The following SIRT1 variants were observed in gnomAD, a reference collection of about 807,000 sequenced individuals.
SIRT1 encodes the protein sirtuin 1.
SIRT1 carries 24 observed loss-of-function variants against 67.9 expected under a neutral mutation model. The ratio of observed to expected loss-of-function variants is 0.35; its 90% CI spans 0.26 to 0.50. SIRT1 has a LOEUF of 0.50. Ranked by LOEUF, SIRT1 falls within the 20% of genes least tolerant of loss-of-function variation. The pLI, the probability that SIRT1 is intolerant of heterozygous loss-of-function variation, is 0.98. For missense variants in SIRT1, 873 were observed against 937.2 expected (o/e 0.93, Z 0.89); for synonymous variants, 378 against 350.7 (o/e 1.08, Z -0.87).
At chr10:67,894,136 T>C (rs1033602054) in intron 4 of SIRT1, among the ~76,000 whole-genome samples, 2 of 152,178 alleles carry the variant, frequency 1.3e-5, no homozygotes, top group South Asian at 4.1e-4. Flanking sequence ...ATGTAACTTT[T>C]GTTTTATCCA....
chr10:67,906,275 G>A, intron 4 of SIRT1: 1 of 1,584,592 alleles, frequency 6.3e-7, no homozygotes, highest in Non-Finnish European at 8.6e-7. Context: ...GCAGTGGAAG[G>A]AAAACAATTT....
At position 67,884,704 on chromosome 10, in the gene SIRT1, C is replaced by T. The variant is rs774679969; in HGVS notation, c.-18C>T. 2.8e-5 allele frequency: 35 copies of T among 1,228,642 alleles called. No homozygotes were observed. In the Admixed American group the frequency reaches 1.0e-3, roughly 36 times the overall value. The allele number at this position is 1,228,642 out of a possible 1,614,324, so 76.1% of individuals were successfully genotyped here. ...AGCAGAGGAGGCGAGGGAGGAGGGC[C>T]AGAGAGGCAGTTGGAAGATGGCGGA... On this transcript the variant is annotated 5_prime_UTR_variant, in exon 1 of 9. Transcript: ENST00000212015.
chr10:67,901,495 T>C (rs1328794978), intron 4 of SIRT1, among the ~76,000 whole-genome samples: 1 of 152,196 alleles, frequency 6.6e-6, no homozygotes, highest in Non-Finnish European at 1.5e-5. Flanking sequence ...TGTAGTAAGG[T>C]AGGGCCTGGT....
chr10:67,895,706 T>C (rs535188362), intron 4 of SIRT1, among the ~76,000 whole-genome samples: 1 of 151,130 alleles, frequency 6.6e-6, no homozygotes, highest in Non-Finnish European at 1.5e-5. Flanking sequence ...ATATCATTGA[T>C]TGTATGTGAT....
At chr10:67,906,298 A>T in intron 4 of SIRT1, 2 of 1,570,014 alleles carry the variant, frequency 1.3e-6, no homozygotes, top group South Asian at 2.4e-5. Context: ...GTAAGGATTA[A>T]AACTTTAGCT....
intron 2 of SIRT1, 80 bp downstream of exon 2, chr10:67,887,613 G>C: frequency 2.1e-6 from 2 of 952,726 alleles, no homozygotes; most frequent in Admixed American, 4.0e-5. Flanking sequence ...TTTCGCTCTT[G>C]TTGCGGAGGC....
At chr10:67,888,043 G>A (rs1013529749) in intron 2 of SIRT1, among the ~76,000 whole-genome samples, 2 of 152,100 alleles carry the variant, frequency 1.3e-5, no homozygotes, top group Non-Finnish European at 2.9e-5. Context: ...TAAGTTCTAC[G>A]GGAGCAGGAA....
intron 8 of SIRT1, among the ~76,000 whole-genome samples, chr10:67,914,967 C>T (rs2029874648): frequency 6.6e-6 from 1 of 151,060 alleles, no homozygotes; most frequent in South Asian, 2.1e-4. Context: ...CTCAAGCAGT[C>T]TGCCAGCCTT....
At chr10:67,909,504 T>C in intron 7 of SIRT1, 62 bp downstream of exon 7, 1 of 1,342,292 alleles carries the variant, frequency 7.4e-7, no homozygotes, top group East Asian at 2.4e-5. Context: ...TGTGGGTCTG[T>C]ATAATAGACG....
chr10:67,904,662 A>G (rs920981496), intron 4 of SIRT1, among the ~76,000 whole-genome samples: 8 of 151,710 alleles, frequency 5.3e-5, no homozygotes, highest in African/African-American at 1.9e-4. Flanking sequence ...CCTGACCAAC[A>G]TGGAGAAACC....
intron 7 of SIRT1, among the ~76,000 whole-genome samples, chr10:67,912,108 C>T (rs991935275): frequency 3.3e-5 from 5 of 152,060 alleles, no homozygotes; most frequent in African/African-American, 7.3e-5. Context: ...CATTTATGTA[C>T]CAAGAACTCT....
chr10:67,916,232 A>AC, intron 8 of SIRT1, 33 bp from the exon 9 acceptor site: 1 of 1,562,148 alleles, frequency 6.4e-7, no homozygotes, highest in Non-Finnish European at 8.7e-7. Flanking sequence ...GTGTTAGAAA[A>AC]CTGAAAGTAA....
intron 8 of SIRT1, among the ~76,000 whole-genome samples, 172 bp from the exon 9 acceptor site, chr10:67,916,093 A>C (rs2029903285): frequency 6.6e-6 from 1 of 152,204 alleles, no homozygotes; most frequent in Admixed American, 6.5e-5. Context: ...CCTCCTGAGT[A>C]GCTGGGACTG....
At chr10:67,892,583 G>A (rs1842590512) in intron 4 of SIRT1, among the ~76,000 whole-genome samples, 1 of 150,960 alleles carries the variant, frequency 6.6e-6, no homozygotes, top group Non-Finnish European at 1.5e-5. Flanking sequence ...ATATATGTAT[G>A]TTTTTTGAAG....
At position 67,887,440 on chromosome 10, in the gene SIRT1, A is replaced by G; in HGVS notation, c.454A>G (p.Ile152Val). The G allele has an allele frequency of 6.2e-7, 1 of 1,613,476 alleles. No individual in the cohort carries two copies. The stretch of plus-strand genomic sequence containing the variant: ...AGATAACCTTCTGTTCGGTGATGAA[A>G]TTATCACTAATGGTTTTCATTCCTG... The part of the protein sequence containing the change: ...YRDNLLFGDE[I>V]ITNGFHSCES... Residue 152 changes from isoleucine (I) to valine (V), a missense_variant, in exon 2 of 9, where the codon ATT (isoleucine) becomes GTT (valine). Transcript: ENST00000212015.
intron 4 of SIRT1, among the ~76,000 whole-genome samples, chr10:67,899,984 T>A (rs1842716546): frequency 6.6e-6 from 1 of 152,036 alleles, no homozygotes; most frequent in Admixed American, 6.6e-5. Flanking sequence ...TTCGGAAGGC[T>A]GAGGGAGGAG....
At chr10:67,886,212 ATT>A in intron 1 of SIRT1, among the ~76,000 whole-genome samples, 1 of 151,756 alleles carries the variant, frequency 6.6e-6, no homozygotes, top group Non-Finnish European at 1.5e-5. Context: ...AAGTGCTGGG[ATT>A]ACAGGCGTGA....
intron 1 of SIRT1, among the ~76,000 whole-genome samples, chr10:67,887,034 G>T (rs1322466977): frequency 4.6e-5 from 7 of 151,902 alleles, no homozygotes; most frequent in African/African-American, 1.7e-4. Context: ...ACCATGCCCG[G>T]CTAATTTTTG....
At chr10:67,907,993 C>A in intron 5 of SIRT1, 53 bp from the exon 6 acceptor site, 2 of 1,462,672 alleles carry the variant, frequency 1.4e-6, no homozygotes, top group South Asian at 1.2e-5. Flanking sequence ...GTGGTGTGTT[C>A]AAGAAACAGA....
Sources: allele counts gnomAD v4.1 joint callset (sites outside exome capture counted in the v4.1 genomes callset), GRCh38; gene constraint gnomAD v4.1.1; transcripts MANE v1.5; gene names NCBI Gene and HGNC (gene_info 2026-07-23, HGNC 2026-07-21).